Variants in FLVCR1 observed in about 807,000 individuals in gnomAD.
FLVCR1 encodes the protein FLVCR choline and heme transporter 1.
A neutral mutation model predicts 53.6 loss-of-function variants in FLVCR1; 34 were observed. The ratio of observed to expected loss-of-function variants is 0.63; its 90% CI spans 0.48 to 0.84. FLVCR1 has a LOEUF of 0.84. Among genes scored for constraint, FLVCR1 ranks in the 40% least tolerant of loss-of-function variants. FLVCR1 has a pLI of 0.00. For synonymous variants in FLVCR1, 300 were observed against 286.3 expected (o/e 1.05, Z -0.48); for missense variants, 677 against 696.7 (o/e 0.97, Z 0.32).
rs773471088 is a variant in FLVCR1, at chr1:212,858,696, C to T, written c.244C>T (p.Leu82=). Residue 82 remains leucine, a synonymous_variant, in exon 1 of 10, where the codon CTG becomes TTG. Transcript: ENST00000366971. ...AGAAGAGGAGACCCAGGCCCGGCTGCTGCCTGCGGGCGCGGGAGCTGAGAC... is the reference window on the plus strand; with the variant it reads ...AGAAGAGGAGACCCAGGCCCGGCTGTTGCCTGCGGGCGCGGGAGCTGAGAC... ...APEEETQARL[L]PAGAGAETPG... is the part of the protein sequence containing the mutation. The T allele has an allele frequency of 1.9e-6, 3 of 1,587,362 alleles. No individual in the cohort carries two copies. Among genetic ancestry groups the T allele is most frequent in the South Asian group, 2.2e-5 (2 of 88,928 alleles).
chr1:212,895,518 T>C lies in FLVCR1; in HGVS notation c.*228T>C. ...TACATCATGTTAACACTACTGTTTA[T>C]CTAATTAGTATCCGGTTTTTAGTCT... is the stretch of plus-strand genomic sequence containing the variant. On this transcript the variant is annotated 3_prime_UTR_variant, in exon 10 of 10. Transcript: ENST00000366971. 3.7e-6 allele frequency: 2 copies of C among 541,498 alleles called. No homozygotes were observed. Among genetic ancestry groups the C allele is most frequent in the Non-Finnish European group, 6.6e-6 (2 of 303,026 alleles). The allele number at this position is 541,498 out of a possible 1,614,324, so 33.5% of individuals were successfully genotyped here.
At position 212,888,441 on chromosome 1, in the gene FLVCR1, T is replaced by C. The variant is rs559036419; in HGVS notation, c.1308-48T>C. On this transcript the variant is annotated intron_variant, in intron 6 of 9. Transcript: ENST00000366971. ...CAGAATGATTGCATCAGTATGTGAT[T>C]GTGACTTTCTGGTAGTTCTTTCTGT... The C allele has an allele frequency of 2.4e-6, 3 of 1,257,474 alleles. No homozygotes were observed. In the South Asian group the frequency reaches 3.6e-5, roughly 15 times the overall value. The allele number at this position is 1,257,474 out of a possible 1,614,324, so 77.9% of individuals were successfully genotyped here. A position where few individuals can be genotyped will look rare whatever the true frequency, so the allele number is the denominator to read the frequency against.
intron 3 of FLVCR1, among the ~76,000 whole-genome samples, chr1:212,879,281 G>A (rs1048474904): frequency 1.3e-5 from 2 of 152,198 alleles, no homozygotes; most frequent in East Asian, 3.8e-4. Flanking sequence ...TAAAGTTCGA[G>A]TAGTTTCTCG....
intron 1 of FLVCR1, 53 bp from the exon 2 acceptor site, chr1:212,863,672 T>C: frequency 6.5e-7 from 1 of 1,540,646 alleles, no homozygotes; most frequent in Non-Finnish European, 9.0e-7. Flanking sequence ...ATTGCCAGCA[T>C]TTACTTTTTT....
chr1:212,892,110 C>T (rs1396782222), intron 8 of FLVCR1, among the ~76,000 whole-genome samples: 1 of 152,236 alleles, frequency 6.6e-6, no homozygotes, highest in East Asian at 1.9e-4. Context: ...AAGTTGTCTT[C>T]ATAACATAAA....
At chr1:212,873,939 C>T (rs147612455) in intron 3 of FLVCR1, among the ~76,000 whole-genome samples, 20 of 152,290 alleles carry the variant, frequency 1.3e-4, no homozygotes, top group African/African-American at 4.6e-4. Flanking sequence ...CTGTGTATGG[C>T]ATCATCCAGC....
rs771614176 is a variant in FLVCR1, at chr1:212,895,188, A to G, written c.1594-28A>G. The G allele has an allele frequency of 6.4e-6, 10 of 1,556,232 alleles. No individual in the cohort carries two copies. The South Asian group carries it at 1.0e-4, about 16-fold the overall frequency. On this transcript the variant is annotated intron_variant, in intron 9 of 9. Coordinates refer to ENST00000366971, the MANE Select transcript of FLVCR1 (RefSeq NM_014053.4). ...TAATAGGATATGCCAGATGCTATAC[A>G]TTTTTAATCTTCTGATTGTTTTTAT...
Position 212,897,210 on chromosome 1 carries a change from T to TAAATAAATAAATAAAA in FLVCR1, c.*1923_*1924insTAAATAAATAAAAAAA, listed in dbSNP as rs1430329940. 13 of 102,124 alleles carry TAAATAAATAAATAAAA rather than the reference T, an allele frequency of 1.3e-4. No homozygotes were observed. The highest frequency in any genetic ancestry group is 4.3e-4 in the African/African-American group (13 of 30,282). The allele number at this position is 102,124 out of a possible 1,614,324, so 6.3% of individuals were successfully genotyped here. A position where few individuals can be genotyped will look rare whatever the true frequency, so the allele number is the denominator to read the frequency against. ...ATAAATAAATAAATAAATAAATAAA[T>TAAATAAATAAATAAAA]AAAACCTGAGGTTGAGCACGATGGC... On this transcript the variant is annotated 3_prime_UTR_variant, in exon 10 of 10. Transcript: ENST00000366971.
rs2102570309 is a variant in FLVCR1 at position 212,889,245 on chromosome 1, A to G, written c.1513A>G (p.Ile505Val). 4 of 1,607,230 alleles carry G rather than the reference A, an allele frequency of 2.5e-6. No homozygotes were observed. In the African/African-American group the frequency reaches 5.3e-5, roughly 21 times the overall value. ...TCTCTGTGTCTGGATGTTTATAGGC[A>G]TCATATTAACAGGTAAATTAGGGCG... ...IFLCVWMFIG[I>V]ILTALIKSDL... Residue 505 changes from isoleucine to valine, a missense_variant, in exon 8 of 10, where the codon ATC (isoleucine) becomes GTC (valine). Physicochemically the swap from Ile to Val is conservative, Grantham distance 29. Transcript: ENST00000366971.
chr1:212,867,119 A>G (rs1275463643), intron 2 of FLVCR1, among the ~76,000 whole-genome samples: 2 of 152,238 alleles, frequency 1.3e-5, no homozygotes, highest in African/African-American at 4.8e-5. Flanking sequence ...ATTTTTCCGC[A>G]ACGTGACATG....
chr1:212,865,125 ACAC>A (rs1384578081), intron 2 of FLVCR1, among the ~76,000 whole-genome samples: 1 of 137,252 alleles, frequency 7.3e-6, no homozygotes, highest in African/African-American at 2.5e-5. Context: ...TAAAAAAAAA[ACAC>A]CAAAATTCTT....
intron 3 of FLVCR1, among the ~76,000 whole-genome samples, chr1:212,873,236 C>T (rs984728198): frequency 6.6e-6 from 1 of 151,476 alleles, no homozygotes; most frequent in Non-Finnish European, 1.5e-5. Flanking sequence ...TCGCTTGAAC[C>T]TAGAAGGCAG....
In FLVCR1 at chr1:212,859,046, T is replaced by C. The variant is rs374496790; in HGVS notation, c.594T>C (p.His198=). 8.1e-6 allele frequency: 13 copies of C among 1,612,416 alleles called. No homozygotes were observed. The highest frequency in any genetic ancestry group is 1.0e-5 in the Non-Finnish European group (12 of 1,178,934). ...AWIKCGSVQQ[H]LFWVTMLGQC... ...TCAAGTGCGGCAGTGTGCAGCAGCA[T>C]CTCTTCTGGGTCACCATGTTGGGCC... The change falls in exon 1 of 10, where the codon CAT becomes CAC. Residue 198 remains histidine (H), a synonymous_variant. Coordinates refer to ENST00000366971, the MANE Select transcript of FLVCR1 (RefSeq NM_014053.4).
At chr1:212,880,476 G>T (rs190531643) in intron 3 of FLVCR1, among the ~76,000 whole-genome samples, 116 of 152,224 alleles carry the variant, frequency 7.6e-4, no homozygotes, top group Non-Finnish European at 3.1e-4. Context: ...GACCTACCTT[G>T]GGTGTCACTT....
chr1:212,873,460 T>C (rs971506291), intron 3 of FLVCR1, among the ~76,000 whole-genome samples: 1 of 152,244 alleles, frequency 6.6e-6, no homozygotes, highest in Non-Finnish European at 1.5e-5. Flanking sequence ...ACAATACTTT[T>C]CTTTGACACT....
chr1:212,895,252 A>C lies in FLVCR1; in HGVS notation c.1630A>C (p.Thr544Pro). The stretch of plus-strand genomic sequence containing the variant: ...CAGTCCCACAGACCAAGAACCAAAA[A>C]CGGTTATGTTGTCCAAGCAGTCAGA... Reference protein sequence around the residue: ...ADSPTDQEPKTVMLSKQSESA... With the variant: ...ADSPTDQEPKPVMLSKQSESA... The change falls in exon 10 of 10, where the codon ACG (threonine) becomes CCG (proline). Residue 544 changes from threonine to proline, a missense_variant. Thr to Pro is a conservative substitution (Grantham distance 38). Coordinates refer to ENST00000366971, the MANE Select transcript of FLVCR1 (RefSeq NM_014053.4). 6.2e-7 allele frequency: 1 copy of C among 1,613,544 alleles called. No individual in the cohort carries two copies. The highest frequency in any genetic ancestry group is 8.5e-7 in the Non-Finnish European group (1 of 1,179,594).
chr1:212,897,203 AAATAAAT>A lies in FLVCR1; in HGVS notation c.*1916_*1922del, dbSNP rs2102579954. On this transcript the variant is annotated 3_prime_UTR_variant, in exon 10 of 10. Transcript: ENST00000366971. ...TAAATAAATAAATAAATAAATAAAT[AAATAAAT>A]AAAACCTGAGGTTGAGCACGATGGC... The A allele has an allele frequency of 8.1e-6, 1 of 124,130 alleles. No individual in the cohort carries two copies. Among genetic ancestry groups the A allele is most frequent in the African/African-American group, 2.9e-5 (1 of 34,446 alleles). 7.7% of individuals were successfully genotyped at this position (124,130 alleles called of 1,614,324 possible).
chr1:212,869,816 C>T (rs1450055944), intron 2 of FLVCR1, among the ~76,000 whole-genome samples: 1 of 152,224 alleles, frequency 6.6e-6, no homozygotes, highest in South Asian at 2.1e-4. Flanking sequence ...GGATTAGAGG[C>T]GTGAGCCTCT....
At chr1:212,884,298 TA>T (rs896612810) in intron 4 of FLVCR1, among the ~76,000 whole-genome samples, 89 of 147,464 alleles carry the variant, frequency 6.0e-4, no homozygotes, top group Admixed American at 1.3e-3. Flanking sequence ...AATCCCCATT[TA>T]AAAAAAAAAC....
Sources: gnomAD v4.1 joint callset for allele counts (sites outside exome capture counted in the v4.1 genomes callset) on GRCh38, gnomAD v4.1.1 for gene constraint, MANE v1.5 for transcripts, NCBI Gene and HGNC (gene_info 2026-07-23, HGNC 2026-07-21) for gene names.